Variants in BIRC6 observed in about 807,000 individuals in gnomAD.
BIRC6 encodes the protein dual E2 ubiquitin-conjugating enzyme/E3 ubiquitin-protein ligase BIRC6.
A neutral mutation model predicts 503.3 loss-of-function variants in BIRC6; 98 were observed. That is an observed-to-expected ratio of 0.19 (90% CI 0.17 to 0.23). The LOEUF (loss-of-function observed/expected upper bound fraction) is 0.23. Ranked by LOEUF, BIRC6 falls within the 10% of genes least tolerant of loss-of-function variation. BIRC6 has a pLI of 1.00. For missense variants in BIRC6, 5,360 were observed against 5,806.0 expected, an observed-to-expected ratio of 0.92 and a Z score of 2.50; for synonymous variants, 2,240 against 2,078.7, an observed-to-expected ratio of 1.08 and a Z score of -2.11.
chr2:32,547,911 A>G lies in BIRC6; in HGVS notation c.12872A>G (p.Lys4291Arg). The part of the protein sequence containing the change: ...STEEQQLYWA[K>R]GTGFGTGSTA... ...GAAGAACAACAGTTATATTGGGCCAAAGGGACTGGCTTTGGAACAGGCTCT... is the reference window on the plus strand; with the variant it reads ...GAAGAACAACAGTTATATTGGGCCAGAGGGACTGGCTTTGGAACAGGCTCT... The change falls in exon 64 of 74, where the codon AAA becomes AGA. Residue 4291 changes from lysine (K) to arginine (R), a missense_variant. Lys to Arg is a conservative substitution (Grantham distance 26, BLOSUM62 2). This residue lies in a region of BIRC6 where 477 missense variants were observed against 574.4 expected (regional missense o/e 0.83). Coordinates refer to ENST00000421745, the MANE Select transcript of BIRC6 (RefSeq NM_016252.4). 6.2e-7 allele frequency: 1 copy of G among 1,613,666 alleles called. No individual in the cohort carries two copies. The highest frequency in any genetic ancestry group is 1.7e-4 in the Middle Eastern group (1 of 6,058).
intron 1 of BIRC6, among the ~76,000 whole-genome samples, chr2:32,366,624 C>T (rs528411857): frequency 6.6e-6 from 1 of 152,144 alleles, no homozygotes; most frequent in Non-Finnish European, 1.5e-5. Flanking sequence ...GCAGGAGTGA[C>T]CTCTCTGATA....
chr2:32,591,117 C>A, intron 66 of BIRC6: 1 of 398,484 alleles, frequency 2.5e-6, no homozygotes, highest in Non-Finnish European at 3.4e-6. Flanking sequence ...AGTGTGTGTT[C>A]TTCATATATT....
At position 32,532,213 on chromosome 2, in the gene BIRC6, T is replaced by C. The variant is rs1461498114; in HGVS notation, c.12291+662T>C. 1.3e-5 allele frequency: 7 copies of C among 529,246 alleles called. No homozygotes were observed. The Admixed American group carries it at 1.4e-4, about 10-fold the overall frequency. The allele number at this position is 529,246 out of a possible 1,614,324, so 32.8% of individuals were successfully genotyped here. ...AGCTCTAGACTCTATTATAGTTTCC[T>C]GAGCTGCTGTACCAAAATACCACAA... On this transcript the variant is annotated intron_variant, in intron 61 of 73. Transcript: ENST00000421745.
intron 3 of BIRC6, among the ~76,000 whole-genome samples, chr2:32,386,744 A>T (rs540874108): frequency 1.3e-5 from 2 of 152,222 alleles, no homozygotes; most frequent in East Asian, 3.9e-4. Flanking sequence ...CCCAACCTCA[A>T]ATCTTTTACA....
chr2:32,495,348 T>C (rs977682789), intron 45 of BIRC6, among the ~76,000 whole-genome samples: 1 of 152,202 alleles, frequency 6.6e-6, no homozygotes, highest in East Asian at 1.9e-4. Context: ...TTTTGTGGCC[T>C]AGTTTATTTA....
intron 73 of BIRC6, among the ~76,000 whole-genome samples, chr2:32,614,930 C>A (rs1407467737): frequency 2.0e-5 from 3 of 152,138 alleles, no homozygotes; most frequent in Non-Finnish European, 4.4e-5. Context: ...ATAAAGAAAT[C>A]CTTGAGACTG....
intron 66 of BIRC6, among the ~76,000 whole-genome samples, chr2:32,583,466 C>G (rs1423446812): frequency 2.0e-5 from 3 of 152,036 alleles, no homozygotes; most frequent in East Asian, 3.9e-4. Context: ...TACTAATAAC[C>G]AGAATTTGAA....
In BIRC6 at chr2:32,401,575, T is replaced by G; in HGVS notation, c.1370T>G (p.Leu457Arg). ...TCAAGGAGACCAACTTTGGCGTGGC[T>G]GGAGGACTCCTCTAGTTGCTCAGAT... The part of the protein sequence containing the change: ...VDSRRPTLAW[L>R]EDSSSCSDIP... Residue 457 changes from leucine to arginine, a missense_variant, in exon 8 of 74, where the codon CTG becomes CGG. Coordinates refer to ENST00000421745, the MANE Select transcript of BIRC6 (RefSeq NM_016252.4). 1 of 1,614,048 alleles carries G rather than the reference T, an allele frequency of 6.2e-7. No homozygotes were observed. Among genetic ancestry groups the G allele is most frequent in the Non-Finnish European group, 8.5e-7 (1 of 1,179,898 alleles).
At chr2:32,509,703 TTA>T (rs2054203720) in intron 51 of BIRC6, 33 bp from the exon 52 acceptor site, 1 of 1,612,222 alleles carries the variant, frequency 6.2e-7, no homozygotes, top group South Asian at 1.1e-5. Flanking sequence ...TTTGAGCGAC[TTA>T]TATTGATCAT....
At chr2:32,519,003 G>T in intron 57 of BIRC6, 57 bp downstream of exon 57, 2 of 1,509,246 alleles carry the variant, frequency 1.3e-6, no homozygotes, top group East Asian at 2.3e-5. Flanking sequence ...GTATATGGAG[G>T]TTTATTGTTT....
intron 61 of BIRC6, among the ~76,000 whole-genome samples, chr2:32,537,629 G>A (rs923094389): frequency 6.6e-6 from 1 of 152,140 alleles, no homozygotes; most frequent in Non-Finnish European, 1.5e-5. Flanking sequence ...GATTAACTCT[G>A]TTGTCTCTAT....
intron 40 of BIRC6, among the ~76,000 whole-genome samples, chr2:32,487,407 CT>C (rs1357803808): frequency 6.6e-6 from 1 of 151,752 alleles, no homozygotes; most frequent in Non-Finnish European, 1.5e-5. Context: ...AGTTCTTTGC[CT>C]TTTTTTGTTG....
chr2:32,456,095 C>G (rs1200972988), intron 23 of BIRC6, among the ~76,000 whole-genome samples: 1 of 152,158 alleles, frequency 6.6e-6, no homozygotes, highest in East Asian at 1.9e-4. Context: ...TTCCAGCACC[C>G]CAAAAGGTGT....
intron 65 of BIRC6, chr2:32,574,595 G>A (rs1429790386): frequency 6.4e-6 from 1 of 156,496 alleles, no homozygotes; most frequent in African/African-American, 2.4e-5. Flanking sequence ...TTCATTAAAT[G>A]GAAGTGGATC....
Position 32,445,666 on chromosome 2 carries a change from A to C in BIRC6, c.4482A>C (p.Thr1494=), listed in dbSNP as rs750342529. The C allele has an allele frequency of 6.5e-7, 1 of 1,538,464 alleles. No homozygotes were observed. The highest frequency in any genetic ancestry group is 8.8e-7 in the Non-Finnish European group (1 of 1,141,418). ...CACCAATGGAGGCTTTACTTCAGAC[A>C]AGGTATTTTAGTATATCTAATGACT... ...RLTPMEALLQ[T]RYGLYSSPFD... is the part of the protein sequence containing the mutation. Residue 1494 remains threonine, a splice_region_variant and synonymous_variant, in exon 21 of 74, where the codon ACA becomes ACC. Transcript: ENST00000421745.
intron 61 of BIRC6, among the ~76,000 whole-genome samples, chr2:32,540,706 C>T (rs1395954399): frequency 1.3e-5 from 2 of 151,860 alleles, no homozygotes; most frequent in African/African-American, 4.8e-5. Flanking sequence ...GGTGCTTTTG[C>T]TGAACCTGTA....
At chr2:32,519,680 T>A (rs967207016) in intron 57 of BIRC6, among the ~76,000 whole-genome samples, 2 of 152,130 alleles carry the variant, frequency 1.3e-5, no homozygotes, top group Non-Finnish European at 2.9e-5. Flanking sequence ...CATGCCCAGC[T>A]AATTTTTTCA....
chr2:32,503,001 G>A, intron 48 of BIRC6, 41 bp from the exon 49 acceptor site: 1 of 1,532,226 alleles, frequency 6.5e-7, no homozygotes, highest in Non-Finnish European at 8.8e-7. Flanking sequence ...TGAACCATCT[G>A]TCCTGAGATC....
intron 73 of BIRC6, among the ~76,000 whole-genome samples, chr2:32,614,438 C>A (rs1036184077): frequency 1.3e-5 from 2 of 152,236 alleles, no homozygotes; most frequent in Non-Finnish European, 2.9e-5. Flanking sequence ...TCCTTTATTT[C>A]TTCTGTGTCA....
Sources: gnomAD v4.1 joint callset for allele counts (sites outside exome capture counted in the v4.1 genomes callset) on GRCh38, gnomAD v4.1.1 for gene constraint, gnomAD v4.1.1 regional missense constraint, MANE v1.5 for transcripts, NCBI Gene and HGNC (gene_info 2026-07-23, HGNC 2026-07-21) for gene names.